EVC: variants seen among roughly 807,000 people sequenced by gnomAD.
The protein encoded by EVC is evC complex member EVC.
EVC carries 116 observed loss-of-function variants against 118.9 expected under a neutral mutation model. The observed-to-expected ratio is 0.98, with a 90% CI of 0.84 to 1.14. The LOEUF (loss-of-function observed/expected upper bound fraction) is 1.14. EVC is among the 50% of genes most tolerant of loss of function. The probability of loss-of-function intolerance (pLI) is 0.00; values close to 1 mark genes in which losing one functional copy is unlikely to be tolerated. For synonymous variants in EVC, 619 were observed against 534.7 expected (o/e 1.16, Z -2.18); for missense variants, 1,401 against 1,246.4 (o/e 1.12, Z -1.87).
chr4:5,821,988 A>T, the EVC span: 47 of 610,388 alleles, frequency 7.7e-5, no homozygotes, highest in Admixed American at 1.2e-3. This position sits in a 1 kb window ranked among gnomAD's most constrained non-coding sequence, Gnocchi z 4.4. Context: ...CAGCCATGGG[A>T]AGCCTCCCTG....
chr4:5,774,244 A>G (rs1734402762), intron 11 of EVC, among the ~76,000 whole-genome samples: 3 of 151,408 alleles, frequency 2.0e-5, no homozygotes. Flanking sequence ...CTTGCCTTGC[A>G]AACAACTGAA....
chr4:5,761,604 G>T (rs966594220), intron 11 of EVC, among the ~76,000 whole-genome samples: 1 of 151,910 alleles, frequency 6.6e-6, no homozygotes, highest in Non-Finnish European at 1.5e-5. Context: ...AAGATCAGGC[G>T]AACATTTGAA....
In EVC at chr4:5,748,087, C is replaced by CCTTTG. The variant is rs144810134; in HGVS notation, c.940-61_940-60insCTTTG. On this transcript the variant is annotated intron_variant, in intron 7 of 20. Coordinates refer to ENST00000264956, the MANE Select transcript of EVC (RefSeq NM_153717.3). ...TGAATTGTAATTCCCGAGCACGCAC[C>CCTTTG]GTTTGGCTTTCTTAAGTAAGTTTTT... The CCTTTG allele has an allele frequency of 2.3e-3, 3,686 of 1,579,252 alleles. 75 individuals are homozygous for CCTTTG. The African/African-American group carries it at 0.04, about 17-fold the overall frequency.
chr4:5,743,072 T>C lies in EVC; in HGVS notation c.801+1258T>C, dbSNP rs763867752. Among the ~76,000 whole-genome samples the C allele has an allele frequency of 1.4e-4, 22 of 152,236 alleles. No individual in the cohort carries two copies. The highest frequency in any genetic ancestry group is 2.9e-5 in the Non-Finnish European group (2 of 68,040). ...TTAGAACTTTCTAAAAAGGGGACAGTAACTTCTGGGTTGTTGCCATGGAAA... is the reference window on the plus strand; with the variant it reads ...TTAGAACTTTCTAAAAAGGGGACAGCAACTTCTGGGTTGTTGCCATGGAAA... On this transcript the variant is annotated intron_variant, in intron 6 of 20. Transcript: ENST00000264956. This position sits in a 1 kb window ranked among gnomAD's most constrained non-coding sequence, Gnocchi z 4.7.
At chr4:5,807,277 T>C (rs1716066613) in intron 17 of EVC, among the ~76,000 whole-genome samples, 1 of 151,550 alleles carries the variant, frequency 6.6e-6, no homozygotes, top group Admixed American at 6.6e-5. Flanking sequence ...GAGTGAGAGG[T>C]GGAGGGATGG....
chr4:5,744,467 T>G (rs942605387), intron 6 of EVC, among the ~76,000 whole-genome samples: 4 of 152,184 alleles, frequency 2.6e-5, no homozygotes, highest in African/African-American at 9.7e-5. Context: ...GAGTCTATAC[T>G]TAGGACTCAC....
chr4:5,792,173 T>G (rs1712913779), intron 12 of EVC, among the ~76,000 whole-genome samples: 1 of 152,118 alleles, frequency 6.6e-6, no homozygotes, highest in Non-Finnish European at 1.5e-5. Context: ...TGGTGGGAAA[T>G]AAGTCCAAGC....
intron 11 of EVC, among the ~76,000 whole-genome samples, chr4:5,767,931 C>T (rs1035159154): frequency 6.6e-6 from 1 of 152,196 alleles, no homozygotes; most frequent in African/African-American, 2.4e-5. Context: ...CCTCCCCCCA[C>T]CGGCAGCTTA....
chr4:5,817,394 G>A (rs1423237425), downstream of EVC, among the ~76,000 whole-genome samples: 1 of 152,178 alleles, frequency 6.6e-6, no homozygotes, highest in East Asian at 1.9e-4. Context: ...TGGTTTGATA[G>A]ATCTCCCAGA....
intron 11 of EVC, among the ~76,000 whole-genome samples, chr4:5,778,166 A>T (rs1735006113): frequency 2.0e-5 from 3 of 151,294 alleles, no homozygotes; most frequent in Admixed American, 2.0e-4. Context: ...AAGGACATGA[A>T]CTCATCATTT....
rs1318516021 is a variant in EVC at position 5,789,921 on chromosome 4, C to T, written c.1777-3687C>T. On this transcript the variant is annotated intron_variant, in intron 12 of 20. Transcript: ENST00000264956. This position sits in a 1 kb window ranked among gnomAD's most constrained non-coding sequence, Gnocchi z 4.3. Reference sequence around the variant, plus strand: ...ACTGGCCAAGCATGGTGGATCACGCCTGTAATCCCAGCACCTTGGGAGGCC... The same window carrying T: ...ACTGGCCAAGCATGGTGGATCACGCTTGTAATCCCAGCACCTTGGGAGGCC... 2.6e-5 allele frequency among the ~76,000 whole-genome samples: 4 copies of T among 152,180 alleles called. No individual in the cohort carries two copies. Among genetic ancestry groups the T allele is most frequent in the African/African-American group, 9.7e-5 (4 of 41,434 alleles).
intron 12 of EVC, among the ~76,000 whole-genome samples, chr4:5,788,987 T>C (rs1225129704): frequency 6.6e-6 from 1 of 152,208 alleles, no homozygotes; most frequent in Admixed American, 6.5e-5. Context: ...AGTCAAAAGA[T>C]TGGACGTCCC....
intron 1 of EVC, among the ~76,000 whole-genome samples, chr4:5,716,100 G>A (rs1227769301): frequency 6.6e-6 from 1 of 152,198 alleles, no homozygotes; most frequent in Non-Finnish European, 1.5e-5. Context: ...GGCACAGTAA[G>A]ACCAGATAGC....
At chr4:5,816,715 C>G (rs911955614), downstream of EVC, among the ~76,000 whole-genome samples, 4 of 145,996 alleles carry the variant, frequency 2.7e-5, no homozygotes, top group African/African-American at 5.0e-5. Flanking sequence ...TCCCCTCCCT[C>G]TCTCCCTCCA....
downstream of EVC, among the ~76,000 whole-genome samples, chr4:5,818,200 CCAT>C (rs1317717553): frequency 6.6e-6 from 1 of 152,170 alleles, no homozygotes; most frequent in Non-Finnish European, 1.5e-5. Flanking sequence ...CTCTTGCCTG[CCAT>C]CATGAAGACG....
intron 8 of EVC, among the ~76,000 whole-genome samples, chr4:5,752,138 G>GT (rs989864419): frequency 6.6e-6 from 1 of 152,120 alleles, no homozygotes; most frequent in African/African-American, 2.4e-5. Flanking sequence ...GTGGCTGGGA[G>GT]TGGGGGGTGC....
chr4:5,751,706 A>T (rs1367745177), intron 8 of EVC, among the ~76,000 whole-genome samples: 1 of 152,174 alleles, frequency 6.6e-6, no homozygotes, highest in Non-Finnish European at 1.5e-5. Flanking sequence ...ACCTCCTCGA[A>T]GACAGGAGCC....
intron 11 of EVC, among the ~76,000 whole-genome samples, chr4:5,774,505 G>T (rs532792158): frequency 7.9e-5 from 12 of 152,128 alleles, no homozygotes; most frequent in African/African-American, 2.9e-4. Context: ...CCCTTTGACA[G>T]ATAAGACTGA....
At chr4:5,717,382 CTTTTG>C (rs1244887839) in intron 1 of EVC, among the ~76,000 whole-genome samples, 2 of 151,710 alleles carry the variant, frequency 1.3e-5, no homozygotes, top group African/African-American at 4.8e-5. Flanking sequence ...TTGCTTTTTC[CTTTTG>C]TTTGTTTTGG....
Sources: gnomAD v4.1 joint callset for allele counts (sites outside exome capture counted in the v4.1 genomes callset) on GRCh38, gnomAD v4.1.1 for gene constraint, Gnocchi (gnomAD v3.1) non-coding constraint, MANE v1.5 for transcripts, NCBI Gene and HGNC (gene_info 2026-07-23, HGNC 2026-07-21) for gene names.